Variants in ARHGAP44 observed in about 807,000 individuals in gnomAD.
ARHGAP44 encodes the protein Rho GTPase activating protein 44, also known as rho GTPase-activating protein 44.
In ARHGAP44, 43 loss-of-function variants were observed where a neutral mutation model predicts 106.8. The observed-to-expected ratio is 0.40, with a 90% CI of 0.32 to 0.52. The LOEUF is 0.52. Ranked by LOEUF, ARHGAP44 falls within the 20% of genes least tolerant of loss-of-function variation. The pLI, the probability that ARHGAP44 is intolerant of heterozygous loss-of-function variation, is 0.48. For synonymous variants in ARHGAP44, 439 were observed against 410.3 expected (o/e 1.07, Z -0.85); for missense variants, 866 against 1,050.5 (o/e 0.82, Z 2.43).
intron 13 of ARHGAP44, among the ~76,000 whole-genome samples, chr17:12,953,137 C>T (rs530750578): frequency 2.6e-5 from 4 of 152,196 alleles, no homozygotes; most frequent in African/African-American, 9.6e-5. Context: ...GCAGAAGTGT[C>T]CTTGAGCAAG....
chr17:12,966,901 T>C (rs1460210104), intron 16 of ARHGAP44, among the ~76,000 whole-genome samples: 1 of 152,200 alleles, frequency 6.6e-6, no homozygotes, highest in African/African-American at 2.4e-5. Flanking sequence ...TCCGTTCTGC[T>C]AACCCCAGAC....
At chr17:12,832,663 A>G (rs1347926553) in intron 1 of ARHGAP44, among the ~76,000 whole-genome samples, 1 of 152,210 alleles carries the variant, frequency 6.6e-6, no homozygotes, top group Non-Finnish European at 1.5e-5. Context: ...CCAGGAATGA[A>G]CAAGAGTCAA....
chr17:12,968,150 G>A (rs1018538531), intron 16 of ARHGAP44, among the ~76,000 whole-genome samples: 12 of 152,154 alleles, frequency 7.9e-5, no homozygotes, highest in Admixed American at 3.9e-4. Context: ...TTTTTAAGGG[G>A]GCAACGTGGC....
intron 1 of ARHGAP44, among the ~76,000 whole-genome samples, chr17:12,861,188 C>A (rs1370800825): frequency 1.3e-5 from 2 of 152,018 alleles, no homozygotes; most frequent in African/African-American, 4.8e-5. Context: ...TGGAGTTCCG[C>A]CATGTTGGCC....
At chr17:12,873,451 C>G (rs575442371) in intron 1 of ARHGAP44, among the ~76,000 whole-genome samples, 1 of 152,288 alleles carries the variant, frequency 6.6e-6, no homozygotes, top group East Asian at 1.9e-4. Flanking sequence ...TCAATAATTG[C>G]TCTAATGATT....
intron 10 of ARHGAP44, among the ~76,000 whole-genome samples, chr17:12,947,432 G>A (rs1046178394): frequency 2.3e-4 from 35 of 152,108 alleles, no homozygotes; most frequent in African/African-American, 2.9e-4. Context: ...TGACCTAGGG[G>A]CATCAGGGTC....
chr17:12,932,244 T>C (rs1363995867), intron 7 of ARHGAP44, among the ~76,000 whole-genome samples: 1 of 152,218 alleles, frequency 6.6e-6, no homozygotes, highest in Non-Finnish European at 1.5e-5. Context: ...CTCTTCACTA[T>C]TGTGTTCTTA....
At position 12,949,012 on chromosome 17, in the gene ARHGAP44, T is replaced by C; in HGVS notation, c.862-128T>C. ...ATTGAGAAAGCAGGCAACTGGGGGA[T>C]TGGGAGATGGTGTTGGGCAAATGCA... On this transcript the variant is annotated intron_variant, in intron 10 of 20. Transcript: ENST00000379672. This position sits in a 1 kb window ranked among gnomAD's most constrained non-coding sequence, Gnocchi z 4.1. 1.1e-6 allele frequency: 1 copy of C among 892,440 alleles called. No homozygotes were observed. Among genetic ancestry groups the C allele is most frequent in the South Asian group, 1.5e-5 (1 of 65,474 alleles). The allele number at this position is 892,440 out of a possible 1,614,324, so 55.3% of individuals were successfully genotyped here. A position where few individuals can be genotyped will look rare whatever the true frequency, so the allele number is the denominator to read the frequency against.
intron 3 of ARHGAP44, among the ~76,000 whole-genome samples, chr17:12,897,956 G>T (rs2037262958): frequency 6.6e-6 from 1 of 151,994 alleles, no homozygotes; most frequent in Admixed American, 6.6e-5. Context: ...GATACATTTG[G>T]ATCCTTGAGT....
At chr17:12,794,983 A>G (rs2033876066) in intron 1 of ARHGAP44, among the ~76,000 whole-genome samples, 1 of 149,064 alleles carries the variant, frequency 6.7e-6, no homozygotes, top group African/African-American at 2.5e-5. Context: ...CCGTGACCCA[A>G]TCAATAGGAC....
intron 1 of ARHGAP44, among the ~76,000 whole-genome samples, chr17:12,885,684 T>C (rs2036862633): frequency 6.6e-6 from 1 of 152,228 alleles, no homozygotes; most frequent in Non-Finnish European, 1.5e-5. Flanking sequence ...GTTTTTATTC[T>C]GATTTCTAGC....
chr17:12,990,034 C>G lies in ARHGAP44; in HGVS notation c.2320C>G (p.Leu774Val), dbSNP rs745761247. The change falls in exon 21 of 21, where the codon CTT becomes GTT. Residue 774 changes from leucine to valine, a missense_variant and splice_region_variant. This residue lies in a region of ARHGAP44 where 418 missense variants were observed against 403.6 expected (regional missense o/e 1.04). Coordinates refer to ENST00000379672, the MANE Select transcript of ARHGAP44 (RefSeq NM_014859.6). ...CCTCTCTCTCTGCCGCCTTCCAGATCTTGTCCACTTTGATATTCCCTCGAT... is the reference window on the plus strand; with the variant it reads ...CCTCTCTCTCTGCCGCCTTCCAGATGTTGTCCACTTTGATATTCCCTCGAT... ...MSPGESMSTD[L>V]VHFDIPSIHI... 1.2e-6 allele frequency: 2 copies of G among 1,600,936 alleles called. No individual in the cohort carries two copies. Among genetic ancestry groups the G allele is most frequent in the Admixed American group, 1.7e-5 (1 of 59,852 alleles).
At chr17:12,796,160 C>G (rs1000405803) in intron 1 of ARHGAP44, among the ~76,000 whole-genome samples, 3 of 151,686 alleles carry the variant, frequency 2.0e-5, no homozygotes, top group African/African-American at 7.3e-5. Context: ...ATCTATCTAT[C>G]TATCTATTCT....
chr17:12,975,747 C>T (rs561866584), intron 18 of ARHGAP44, among the ~76,000 whole-genome samples: 3 of 133,540 alleles, frequency 2.2e-5, no homozygotes, highest in South Asian at 2.3e-4. Context: ...GCAGTGAGCC[C>T]GGATCGCGCC....
chr17:12,817,629 C>T (rs1445588637), intron 1 of ARHGAP44, among the ~76,000 whole-genome samples: 4 of 151,770 alleles, frequency 2.6e-5, no homozygotes, highest in African/African-American at 7.3e-5. Context: ...CTGGCCAGAC[C>T]GACTAAGGAA....
intron 1 of ARHGAP44, among the ~76,000 whole-genome samples, chr17:12,855,738 A>T (rs1217488481): frequency 1.3e-5 from 2 of 152,202 alleles, no homozygotes; most frequent in Non-Finnish European, 2.9e-5. Context: ...CAGAAGTCCA[A>T]TTAAGTGAGC....
At chr17:12,872,096 G>C (rs983876774) in intron 1 of ARHGAP44, among the ~76,000 whole-genome samples, 45 of 152,226 alleles carry the variant, frequency 3.0e-4, no homozygotes, top group African/African-American at 1.1e-3. Flanking sequence ...AATGGATTCT[G>C]TTTTCTTGCA....
At chr17:12,930,343 C>T (rs1318418882) in intron 7 of ARHGAP44, among the ~76,000 whole-genome samples, 3 of 151,940 alleles carry the variant, frequency 2.0e-5, no homozygotes, top group African/African-American at 4.8e-5. Flanking sequence ...AAGTGATTCT[C>T]CTGCCTCAGC....
chr17:12,868,519 C>A (rs1436988504), intron 1 of ARHGAP44, among the ~76,000 whole-genome samples: 4 of 145,730 alleles, frequency 2.7e-5, no homozygotes, highest in Non-Finnish European at 4.5e-5. Flanking sequence ...TTCTTCACAA[C>A]CCTAATCCAT....
Sources: allele counts gnomAD v4.1 joint callset (sites outside exome capture counted in the v4.1 genomes callset), GRCh38; gene constraint gnomAD v4.1.1; regional missense constraint gnomAD v4.1.1; non-coding constraint Gnocchi (gnomAD v3.1); transcripts MANE v1.5; gene names NCBI Gene and HGNC (gene_info 2026-07-23, HGNC 2026-07-21).